The following CDKN2C variants were observed in gnomAD, a reference collection of about 807,000 sequenced individuals.
CDKN2C encodes the protein cyclin-dependent kinase 4 inhibitor C.
CDKN2C carries 5 observed loss-of-function variants against 11.0 expected under a neutral mutation model. That is an observed-to-expected ratio of 0.45 (90% CI 0.24 to 0.95). The LOEUF (loss-of-function observed/expected upper bound fraction) is 0.95. Among genes scored for constraint, CDKN2C ranks in the 40% least tolerant of loss-of-function variants. The pLI is 0.21. For missense variants in CDKN2C, 161 were observed against 211.9 expected (o/e 0.76, Z 1.49); for synonymous variants, 79 against 88.3 (o/e 0.89, Z 0.59).
At chr1:50,972,841 A>G (rs751348597) in intron 1 of CDKN2C, among the ~76,000 whole-genome samples, 1 of 152,168 alleles carries the variant, frequency 6.6e-6, no homozygotes, top group Non-Finnish European at 1.5e-5. Flanking sequence ...TGTTCCTTAA[A>G]TGCTTGATAA....
intron 1 of CDKN2C, among the ~76,000 whole-genome samples, chr1:50,961,039 T>C (rs1302681030): frequency 6.6e-6 from 1 of 151,866 alleles, no homozygotes; most frequent in Non-Finnish European, 1.5e-5. Context: ...TATTTATTTA[T>C]TTATTTATTA....
rs1645374028 is a variant in CDKN2C, at chr1:50,970,485, G to A, written c.117G>A (p.Arg39=). The change falls in exon 1 of 2, where the codon AGG becomes AGA. Residue 39 remains arginine, a synonymous_variant. Coordinates refer to ENST00000371761, the MANE Select transcript of CDKN2C (RefSeq NM_078626.3). ...TCAATGCACAAAATGGATTTGGAAG[G>A]ACTGCGCTGCAGGTTGGTATTAAGA... ...VNVNAQNGFG[R]TALQVMKLGN... is the part of the protein sequence containing the mutation. The A allele has an allele frequency of 2.5e-6, 4 of 1,614,152 alleles. No homozygotes were observed. Among genetic ancestry groups the A allele is most frequent in the Non-Finnish European group, 3.4e-6 (4 of 1,180,030 alleles).
upstream of CDKN2C, among the ~76,000 whole-genome samples, chr1:50,965,499 A>C (rs769677654): frequency 5.3e-5 from 8 of 152,036 alleles, no homozygotes; most frequent in Non-Finnish European, 1.0e-4. Flanking sequence ...CTGTCTCAAA[A>C]AAAAAAGAAC....
chr1:50,971,612 T>C (rs1470519093), intron 1 of CDKN2C, among the ~76,000 whole-genome samples: 1 of 152,174 alleles, frequency 6.6e-6, no homozygotes, highest in African/African-American at 2.4e-5. Context: ...TTCTACCTAG[T>C]AGTTTTGAAC....
intron 1 of CDKN2C, among the ~76,000 whole-genome samples, chr1:50,961,741 C>T (rs563512683): frequency 1.3e-5 from 2 of 152,326 alleles, no homozygotes; most frequent in African/African-American, 2.4e-5. Context: ...CTATGTTGCC[C>T]AGGCTGGCTT....
At position 50,974,282 on chromosome 1, in the gene CDKN2C, G is replaced by A. The variant is rs1182948628; in HGVS notation, c.*12G>A. ...CAAATCTTCAATAAACGTGGGGAGG[G>A]CTCCCCCACGTTGCCTCTACTTTAT... On this transcript the variant is annotated 3_prime_UTR_variant, in exon 2 of 2. Coordinates refer to ENST00000371761, the MANE Select transcript of CDKN2C (RefSeq NM_078626.3). The A allele has an allele frequency of 1.3e-6, 2 of 1,534,236 alleles. No homozygotes were observed. The highest frequency in any genetic ancestry group is 1.4e-5 in the African/African-American group (1 of 72,230).
upstream of CDKN2C, among the ~76,000 whole-genome samples, chr1:50,966,158 C>T (rs1570199242): frequency 6.6e-6 from 1 of 151,682 alleles, no homozygotes; most frequent in East Asian, 1.9e-4. Context: ...CCTGCCTCAG[C>T]CTCCTGAGCA....
At chr1:50,972,512 T>C (rs900149570) in intron 1 of CDKN2C, among the ~76,000 whole-genome samples, 3 of 152,132 alleles carry the variant, frequency 2.0e-5, no homozygotes, top group African/African-American at 7.2e-5. Context: ...TAGCATTTAA[T>C]TTCATAAACA....
chr1:50,973,799 AAT>A, intron 1 of CDKN2C, 92 bp from the exon 2 acceptor site: 1 of 1,463,126 alleles, frequency 6.8e-7, no homozygotes, highest in Non-Finnish European at 9.5e-7. Flanking sequence ...ATCAAAAATA[AAT>A]AGTTACATAA....
chr1:50,966,195 C>T (rs1383439891), upstream of CDKN2C, among the ~76,000 whole-genome samples: 1 of 151,870 alleles, frequency 6.6e-6, no homozygotes, highest in Non-Finnish European at 1.5e-5. Context: ...CCAGCCACCA[C>T]GCCCAGCTAA....
intron 1 of CDKN2C, 26 bp downstream of exon 1, chr1:50,970,523 ACAAGT>A: frequency 6.2e-7 from 1 of 1,613,722 alleles, no homozygotes; most frequent in Non-Finnish European, 8.5e-7. Context: ...GGTGGGGAAA[ACAAGT>A]CAATAATGTT....
upstream of CDKN2C, chr1:50,969,539 C>G (rs1645368112): frequency 6.6e-6 from 1 of 152,308 alleles, no homozygotes; most frequent in African/African-American, 2.4e-5. This position sits in a 1 kb window ranked among gnomAD's most constrained non-coding sequence, Gnocchi z 6.6. Context: ...GCCCGGCTCC[C>G]ACGGCCTCTG....
At chr1:50,972,487 CTT>C (rs1188979557) in intron 1 of CDKN2C, among the ~76,000 whole-genome samples, 2 of 151,850 alleles carry the variant, frequency 1.3e-5, no homozygotes, top group African/African-American at 4.8e-5. Flanking sequence ...GATAGAACGA[CTT>C]TGTATTTTCC....
intron 1 of CDKN2C, among the ~76,000 whole-genome samples, chr1:50,972,426 ATT>A (rs994337494): frequency 6.6e-6 from 1 of 152,074 alleles, no homozygotes; most frequent in Non-Finnish European, 1.5e-5. Context: ...TTTTAAATAT[ATT>A]TTGTTATTTA....
chr1:50,968,999 C>G (rs1645364267), upstream of CDKN2C: 1 of 153,510 alleles, frequency 6.5e-6, no homozygotes, highest in Non-Finnish European at 1.4e-5. Context: ...GGGAGCGGTG[C>G]GGCCAAGGAG....
chr1:50,972,250 A>G (rs984032531), intron 1 of CDKN2C, among the ~76,000 whole-genome samples: 1 of 152,074 alleles, frequency 6.6e-6, no homozygotes, highest in African/African-American at 2.4e-5. Flanking sequence ...GGTCGTATCA[A>G]TTTTTAATAA....
upstream of CDKN2C, chr1:50,969,891 T>C: frequency 4.5e-6 from 1 of 224,178 alleles, no homozygotes; most frequent in Non-Finnish European, 9.0e-6. The surrounding 1 kb of genome is among the most constrained non-coding windows in gnomAD (Gnocchi z 6.6). Context: ...GTCACCACCG[T>C]GAACAAGGGT....
chr1:50,965,105 T>C (rs1252970034), intron 1 of CDKN2C, among the ~76,000 whole-genome samples: 1 of 134,006 alleles, frequency 7.5e-6, no homozygotes, highest in Non-Finnish European at 1.6e-5. Context: ...TAGATATGCA[T>C]CATATTTTAT....
Position 50,973,979 on chromosome 1 carries a change from T to C in CDKN2C, c.216T>C (p.Ala72=), listed in dbSNP as rs1353584133. 1.2e-6 allele frequency: 2 copies of C among 1,614,238 alleles called. No homozygotes were observed. Among genetic ancestry groups the C allele is most frequent in the East Asian group, 2.2e-5 (1 of 44,890 alleles). Residue 72 remains alanine, a synonymous_variant, in exon 2 of 2, where the codon GCT becomes GCC. Transcript: ENST00000371761. ...ATTTGAAAGACCGAACTGGTTTCGC[T>C]GTCATTCATGATGCGGCCAGAGCAG... is the stretch of plus-strand genomic sequence containing the variant. ...NPDLKDRTGF[A]VIHDAARAGF... is the part of the protein sequence containing the mutation.
Sources: allele counts gnomAD v4.1 joint callset (sites outside exome capture counted in the v4.1 genomes callset), GRCh38; gene constraint gnomAD v4.1.1; non-coding constraint Gnocchi (gnomAD v3.1); transcripts MANE v1.5; gene names NCBI Gene and HGNC (gene_info 2026-07-23, HGNC 2026-07-21).